TCF4: variants seen among roughly 807,000 people sequenced by gnomAD.
TCF4 encodes the protein transcription factor 4, also known as SL3-3 enhancer factor 2.
TCF4 carries 3 observed loss-of-function variants against 82.1 expected under a neutral mutation model. The ratio of observed to expected loss-of-function variants is 0.04; its 90% CI spans 0.02 to 0.09. TCF4 has a LOEUF of 0.09. TCF4 is among the 10% of genes least tolerant of loss of function. The pLI is 1.00. For synonymous variants in TCF4, 276 were observed against 309.6 expected, an observed-to-expected ratio of 0.89 and a Z score of 1.14; for missense variants, 518 against 852.7, an observed-to-expected ratio of 0.61 and a Z score of 4.89.
At chr18:55,596,961 A>C (rs902848837) in intron 2 of TCF4, among the ~76,000 whole-genome samples, 3 of 152,150 alleles carry the variant, frequency 2.0e-5, no homozygotes, top group Non-Finnish European at 4.4e-5. Flanking sequence ...TGATTGAATC[A>C]TGGGGGCGGA....
intron 8 of TCF4, among the ~76,000 whole-genome samples, chr18:55,314,741 T>TA (rs1185428436): frequency 6.6e-5 from 10 of 150,864 alleles, no homozygotes; most frequent in South Asian, 2.1e-4. Flanking sequence ...TGGCTGACAA[T>TA]AAAAAAAAGG....
At chr18:55,423,393 C>T (rs1312795315) in intron 5 of TCF4, 1 of 149,852 alleles carries the variant, frequency 6.7e-6, no homozygotes, top group East Asian at 2.0e-4. Flanking sequence ...ACTCCACGCA[C>T]ACACGCGTGC....
chr18:55,315,287 G>T (rs1402545355), intron 8 of TCF4, among the ~76,000 whole-genome samples: 1 of 152,130 alleles, frequency 6.6e-6, no homozygotes, highest in Non-Finnish European at 1.5e-5. Flanking sequence ...GAATGTTAGA[G>T]GCGTAGTGTC....
At chr18:55,230,363 G>C (rs957352532) in intron 17 of TCF4, 1 of 152,216 alleles carries the variant, frequency 6.6e-6, no homozygotes, top group Non-Finnish European at 1.5e-5. Context: ...ATATGAGGAA[G>C]TCGTCACAGC....
chr18:55,582,485 T>C (rs994183815), intron 3 of TCF4, among the ~76,000 whole-genome samples: 4 of 152,126 alleles, frequency 2.6e-5, no homozygotes, highest in African/African-American at 9.7e-5. Context: ...CTTTCCTGGG[T>C]TGACAAAAGC....
chr18:55,498,465 G>A (rs1039070189), intron 3 of TCF4, among the ~76,000 whole-genome samples: 3 of 152,194 alleles, frequency 2.0e-5, no homozygotes, highest in Non-Finnish European at 4.4e-5. Context: ...TCTAAGGCAA[G>A]CGCTCTGGAT....
intron 3 of TCF4, among the ~76,000 whole-genome samples, chr18:55,558,461 G>A (rs2147260672): frequency 6.6e-6 from 1 of 152,092 alleles, no homozygotes; most frequent in Non-Finnish European, 1.5e-5. Context: ...TATGAAACTA[G>A]AAAATAAGTA....
Position 55,254,602 on chromosome 18 carries a change from A to G in TCF4, c.1245T>C (p.His415=), listed in dbSNP as rs148909575. 47 of 1,613,742 alleles carry G rather than the reference A, an allele frequency of 2.9e-5. 1 individual carries two copies. Among genetic ancestry groups the G allele is most frequent in the South Asian group, 2.9e-4 (26 of 91,072 alleles). The change falls in exon 15 of 20, where the codon CAT becomes CAC. Residue 415 remains histidine (H), a synonymous_variant. Coordinates refer to ENST00000354452, the MANE Select transcript of TCF4 (RefSeq NM_001083962.2). Reference sequence around the variant, plus strand: ...GTCCAATGATTCCATGCATGTCCCCATGACCACCAGGCATAGCTGTGGATG... The same window carrying G: ...GTCCAATGATTCCATGCATGTCCCCGTGACCACCAGGCATAGCTGTGGATG... ...VGPSTAMPGG[H]GDMHGIIGPS... is the part of the protein sequence containing the mutation.
intron 8 of TCF4, among the ~76,000 whole-genome samples, chr18:55,298,779 T>C (rs2067254598): frequency 6.6e-6 from 1 of 152,032 alleles, no homozygotes. Context: ...GATTATGAAA[T>C]AGCAAAATAA....
intron 11 of TCF4, among the ~76,000 whole-genome samples, chr18:55,263,752 A>G (rs1449629941): frequency 6.6e-6 from 1 of 151,588 alleles, no homozygotes; most frequent in Non-Finnish European, 1.5e-5. Flanking sequence ...CCTAGAAGCG[A>G]TATTTCTTTT....
chr18:55,395,792 A>G (rs981891129), intron 6 of TCF4, among the ~76,000 whole-genome samples: 1 of 152,216 alleles, frequency 6.6e-6, no homozygotes, highest in Non-Finnish European at 1.5e-5. Context: ...CATTTTTAAG[A>G]AAGTGTTCAC....
At chr18:55,345,505 C>A (rs535718450) in intron 8 of TCF4, among the ~76,000 whole-genome samples, 25 of 152,228 alleles carry the variant, frequency 1.6e-4, no homozygotes, top group Admixed American at 5.9e-4. Context: ...CTCCTTCTTG[C>A]CTAAACATTA....
intron 5 of TCF4, among the ~76,000 whole-genome samples, chr18:55,452,363 A>C (rs2095641265): frequency 6.6e-6 from 1 of 152,236 alleles, no homozygotes; most frequent in Non-Finnish European, 1.5e-5. Flanking sequence ...TCCCCTAGGC[A>C]GTAGGCATTC....
At chr18:55,256,100 ATACT>A (rs544879730) in intron 14 of TCF4, among the ~76,000 whole-genome samples, 376 of 152,280 alleles carry the variant, frequency 2.5e-3, no homozygotes, top group Non-Finnish European at 4.2e-3. Context: ...ATGATAATAC[ATACT>A]TACTTCTGAG....
intron 3 of TCF4, among the ~76,000 whole-genome samples, chr18:55,491,154 C>T (rs541967250): frequency 6.6e-6 from 1 of 152,274 alleles, no homozygotes; most frequent in East Asian, 1.9e-4. Flanking sequence ...GTAAGCCCTT[C>T]ACCACATGCC....
chr18:55,254,436 T>C (rs2056219772), intron 15 of TCF4, 61 bp downstream of exon 15: 3 of 1,508,164 alleles, frequency 2.0e-6, no homozygotes, highest in East Asian at 2.3e-5. Flanking sequence ...AACAATAGTA[T>C]CTATATCTGA....
chr18:55,604,621 C>A (rs1023646314), intron 2 of TCF4, among the ~76,000 whole-genome samples: 10 of 152,130 alleles, frequency 6.6e-5, no homozygotes, highest in African/African-American at 2.4e-4. Flanking sequence ...TGTGGCAAGA[C>A]CGGATCTCAC....
At chr18:55,471,700 A>C (rs2096183647) in intron 3 of TCF4, among the ~76,000 whole-genome samples, 1 of 151,382 alleles carries the variant, frequency 6.6e-6, no homozygotes, top group Admixed American at 6.6e-5. Context: ...CAGAAGATGG[A>C]GGCTGCAGTG....
At chr18:55,562,847 A>G (rs1427601008) in intron 3 of TCF4, among the ~76,000 whole-genome samples, 3 of 152,194 alleles carry the variant, frequency 2.0e-5, no homozygotes, top group Non-Finnish European at 1.5e-5. Flanking sequence ...TCTAAAACAT[A>G]TTTAACCAGA....
Sources: gnomAD v4.1 joint callset for allele counts (sites outside exome capture counted in the v4.1 genomes callset) on GRCh38, gnomAD v4.1.1 for gene constraint, MANE v1.5 for transcripts, NCBI Gene and HGNC (gene_info 2026-07-23, HGNC 2026-07-21) for gene names.